Variants in KCNQ3 observed in about 807,000 individuals in gnomAD.
The protein encoded by KCNQ3 is potassium voltage-gated channel subfamily Q member 3.
Under a neutral mutation model 92.5 loss-of-function variants are expected in KCNQ3, and 30 were observed. That is an observed-to-expected ratio of 0.32 (90% CI 0.24 to 0.44). KCNQ3 has a LOEUF of 0.44. Ranked by LOEUF, KCNQ3 falls within the 20% of genes least tolerant of loss-of-function variation. The pLI is 1.00. For missense variants in KCNQ3, 913 were observed against 1,140.3 expected, an observed-to-expected ratio of 0.80 and a Z score of 2.87; for synonymous variants, 450 against 468.8, an observed-to-expected ratio of 0.96 and a Z score of 0.52.
intron 1 of KCNQ3, among the ~76,000 whole-genome samples, chr8:132,257,591 AC>A: frequency 6.6e-6 from 1 of 152,076 alleles, no homozygotes; most frequent in African/African-American, 2.4e-5. Context: ...TAAAAAAAAT[AC>A]AAAAATTAGC....
At chr8:132,225,554 A>T (rs1176205365) in intron 1 of KCNQ3, among the ~76,000 whole-genome samples, 17 of 152,250 alleles carry the variant, frequency 1.1e-4, no homozygotes, top group Admixed American at 1.1e-3. Flanking sequence ...TGCTACCAAG[A>T]GGGTGACAGT....
At chr8:132,260,573 G>T (rs1159345570) in intron 1 of KCNQ3, among the ~76,000 whole-genome samples, 1 of 152,190 alleles carries the variant, frequency 6.6e-6, no homozygotes, top group East Asian at 1.9e-4. Context: ...TCTGGTAGAT[G>T]GTGAAGGCAT....
Position 132,311,244 on chromosome 8 carries a change from G to A in KCNQ3, c.387-125063C>T, listed in dbSNP as rs115969374. ...AAAGTGATTTGTTTATTCTGACAAC[G>A]TTTATTGAACAGCTACAATAGGTCA... On this transcript the variant is annotated intron_variant, in intron 1 of 14. Coordinates refer to ENST00000388996, the MANE Select transcript of KCNQ3 (RefSeq NM_004519.4). Among the ~76,000 whole-genome samples the A allele has an allele frequency of 3.4e-3, 525 of 152,266 alleles. 5 individuals are homozygous for A. The highest frequency in any genetic ancestry group is 0.012 in the African/African-American group (499 of 41,554).
chr8:132,332,831 G>A (rs1818266109), intron 1 of KCNQ3, among the ~76,000 whole-genome samples: 1 of 152,166 alleles, frequency 6.6e-6, no homozygotes, highest in Non-Finnish European at 1.5e-5. Context: ...AGTCTAGCTG[G>A]ACACCTCCCT....
chr8:132,412,457 G>C (rs1048734450), intron 1 of KCNQ3, among the ~76,000 whole-genome samples: 1 of 152,166 alleles, frequency 6.6e-6, no homozygotes, highest in Admixed American at 6.5e-5. Context: ...GGAATATTGC[G>C]ACACCTCCAA....
At chr8:132,189,124 C>T (rs1586815503) in intron 1 of KCNQ3, among the ~76,000 whole-genome samples, 2 of 152,208 alleles carry the variant, frequency 1.3e-5, no homozygotes. Flanking sequence ...AGAACTTCCT[C>T]AAATTCTCTG....
rs773400738 is a variant in KCNQ3, at chr8:132,186,193, G to T, written c.387-12C>A. 1.3e-6 allele frequency: 2 copies of T among 1,591,330 alleles called. No individual in the cohort carries two copies. Among genetic ancestry groups the T allele is most frequent in the Non-Finnish European group, 1.7e-6 (2 of 1,159,428 alleles). ...GGACAATCAGGAACCTAGAGGGGAA[G>T]AAAGAAATGGACTAAGGAACCTTTG... is the stretch of plus-strand genomic sequence containing the variant. On this transcript the variant is annotated splice_polypyrimidine_tract_variant and intron_variant, in intron 1 of 14. Coordinates refer to ENST00000388996, the MANE Select transcript of KCNQ3 (RefSeq NM_004519.4).
intron 1 of KCNQ3, among the ~76,000 whole-genome samples, chr8:132,241,716 C>A (rs1326914507): frequency 6.6e-6 from 1 of 152,116 alleles, no homozygotes; most frequent in Admixed American, 6.5e-5. Context: ...CACTTGTAAT[C>A]CTAGCTACTC....
chr8:132,279,714 GCA>G (rs777319596), intron 1 of KCNQ3, among the ~76,000 whole-genome samples: 2 of 152,172 alleles, frequency 1.3e-5, no homozygotes, highest in Non-Finnish European at 2.9e-5. Context: ...CTACATATAT[GCA>G]CACATACATA....
chr8:132,291,297 A>G (rs1445644839), intron 1 of KCNQ3, among the ~76,000 whole-genome samples: 1 of 152,200 alleles, frequency 6.6e-6, no homozygotes, highest in Non-Finnish European at 1.5e-5. Context: ...GGATACTGAC[A>G]GAGATGAATG....
intron 1 of KCNQ3, among the ~76,000 whole-genome samples, chr8:132,233,677 C>T (rs1475768142): frequency 6.6e-6 from 1 of 152,194 alleles, no homozygotes; most frequent in Non-Finnish European, 1.5e-5. Context: ...CACACAAATA[C>T]ATCAATTTTC....
intron 9 of KCNQ3, among the ~76,000 whole-genome samples, chr8:132,158,703 C>T (rs768341616): frequency 3.3e-5 from 5 of 152,190 alleles, no homozygotes; most frequent in Non-Finnish European, 7.3e-5. Context: ...CTCAGTTTCT[C>T]ATCTATAAAA....
intron 3 of KCNQ3, 130 bp downstream of exon 3, chr8:132,184,111 C>T: frequency 7.1e-6 from 8 of 1,126,300 alleles, no homozygotes; most frequent in Admixed American, 1.7e-5. Flanking sequence ...ATCGAGGCAG[C>T]GTCAGGGGCT....
At chr8:132,389,247 A>G (rs1275973306) in intron 1 of KCNQ3, among the ~76,000 whole-genome samples, 1 of 152,214 alleles carries the variant, frequency 6.6e-6, no homozygotes. Context: ...ATCTGAGGTC[A>G]GGAGTTTGAG....
intron 1 of KCNQ3, among the ~76,000 whole-genome samples, chr8:132,349,016 G>A (rs1336079481): frequency 6.6e-6 from 1 of 152,198 alleles, no homozygotes; most frequent in Non-Finnish European, 1.5e-5. Context: ...GAAAAGCCAA[G>A]TTGAACTGAG....
intron 1 of KCNQ3, among the ~76,000 whole-genome samples, chr8:132,213,657 G>A (rs10092161): frequency 0.075 from 11,429 of 152,224 alleles, 595 homozygotes; most frequent in African/African-American, 0.14. Flanking sequence ...AGGCTTAGAG[G>A]ATGAGGAGAG....
chr8:132,467,855 G>C (rs777243155), intron 1 of KCNQ3, among the ~76,000 whole-genome samples: 19 of 152,190 alleles, frequency 1.2e-4, no homozygotes, highest in Admixed American at 9.2e-4. Context: ...TCTTCTGATG[G>C]CACACTGCTG....
chr8:132,480,470 T>TCCGCCGCCC lies in KCNQ3; in HGVS notation c.54_62dup (p.Gly22_Gly24dup). 8.0e-7 allele frequency: 1 copy of TCCGCCGCCC among 1,243,790 alleles called. No individual in the cohort carries two copies. The highest frequency in any genetic ancestry group is 1.6e-5 in the African/African-American group (1 of 63,110). The allele number at this position is 1,243,790 out of a possible 1,614,324, so 77.0% of individuals were successfully genotyped here. On this transcript the variant is annotated inframe_insertion, in exon 1 of 15. Coordinates refer to ENST00000388996, the MANE Select transcript of KCNQ3 (RefSeq NM_004519.4). ...CGGCTGGGTTAGCCGCCCCGCCGCC[T>TCCGCCGCCC]CCGCCGCCCCCGTCGCCGCCGCCGC...
intron 1 of KCNQ3, among the ~76,000 whole-genome samples, chr8:132,318,142 G>A (rs1377086808): frequency 6.6e-6 from 1 of 152,152 alleles, no homozygotes; most frequent in Non-Finnish European, 1.5e-5. Context: ...GTAGATCTAT[G>A]GGTATGGTAA....
Sources: allele counts gnomAD v4.1 joint callset (sites outside exome capture counted in the v4.1 genomes callset), GRCh38; gene constraint gnomAD v4.1.1; transcripts MANE v1.5; gene names NCBI Gene and HGNC (gene_info 2026-07-23, HGNC 2026-07-21).